The following TAFA4 variants were observed in gnomAD, a reference collection of about 807,000 sequenced individuals.
TAFA4 encodes chemokine-like protein TAFA-4.
In TAFA4, 20 loss-of-function variants were observed where a neutral mutation model predicts 21.1. That is an observed-to-expected ratio of 0.95 (90% CI 0.67 to 1.38). TAFA4 has a LOEUF of 1.38. TAFA4 is among the 40% of genes most tolerant of loss of function. The pLI, the probability that TAFA4 is intolerant of heterozygous loss-of-function variation, is 0.00. For synonymous variants in TAFA4, 71 were observed against 67.4 expected (o/e 1.05, Z -0.26); for missense variants, 211 against 180.9 (o/e 1.17, Z -0.95).
intron 3 of TAFA4, among the ~76,000 whole-genome samples, chr3:68,808,471 C>A (rs977939609): frequency 1.3e-5 from 2 of 152,142 alleles, no homozygotes; most frequent in Non-Finnish European, 2.9e-5. Flanking sequence ...CCCAACCTAC[C>A]TTAAAAAAAT....
intron 3 of TAFA4, among the ~76,000 whole-genome samples, chr3:68,864,566 A>T (rs895837007): frequency 5.3e-5 from 8 of 152,146 alleles, no homozygotes; most frequent in African/African-American, 1.9e-4. Flanking sequence ...CACCTACCAT[A>T]TGAACCAGCC....
chr3:68,841,025 A>G (rs1704649489), intron 3 of TAFA4, among the ~76,000 whole-genome samples: 1 of 152,192 alleles, frequency 6.6e-6, no homozygotes, highest in Non-Finnish European at 1.5e-5. Flanking sequence ...TCTTTCCTCT[A>G]CAAGGCTAAA....
chr3:68,888,117 ATAC>A (rs1559554483), intron 1 of TAFA4, among the ~76,000 whole-genome samples: 1 of 152,142 alleles, frequency 6.6e-6, no homozygotes, highest in Admixed American at 6.6e-5. Context: ...CCTGCCACAT[ATAC>A]TAGATCATTG....
chr3:68,811,586 CA>C (rs1335226838), intron 3 of TAFA4, among the ~76,000 whole-genome samples: 1 of 151,700 alleles, frequency 6.6e-6, no homozygotes, highest in East Asian at 1.9e-4. Flanking sequence ...GATGGAAGAT[CA>C]AAAGAATGAA....
intron 3 of TAFA4, 21 bp downstream of exon 3, chr3:68,880,709 T>C (rs2089606581): frequency 6.2e-7 from 1 of 1,603,850 alleles, no homozygotes; most frequent in Non-Finnish European, 8.5e-7. Context: ...CAGCAGTGCA[T>C]AATGAGCTTA....
intron 3 of TAFA4, among the ~76,000 whole-genome samples, chr3:68,863,651 T>C (rs1004557416): frequency 6.6e-6 from 1 of 152,168 alleles, no homozygotes; most frequent in African/African-American, 2.4e-5. Context: ...GAAGTGCCAG[T>C]CTTCCAGCTT....
At chr3:68,815,403 C>T (rs147513226) in intron 3 of TAFA4, among the ~76,000 whole-genome samples, 2,207 of 151,992 alleles carry the variant, frequency 0.015, 50 homozygotes, top group African/African-American at 0.05. Flanking sequence ...AAAATTTTTG[C>T]AATCTACTCA....
At chr3:68,813,347 C>A (rs1703884665) in intron 3 of TAFA4, among the ~76,000 whole-genome samples, 1 of 152,088 alleles carries the variant, frequency 6.6e-6, no homozygotes. Context: ...GAGACAGAGA[C>A]ACAGAGAACC....
intron 3 of TAFA4, among the ~76,000 whole-genome samples, chr3:68,792,888 A>C (rs1703388777): frequency 6.6e-6 from 1 of 152,204 alleles, no homozygotes; most frequent in African/African-American, 2.4e-5. Flanking sequence ...TCAAGCACTA[A>C]AATGAGTTTG....
chr3:68,894,693 T>C lies in TAFA4; in HGVS notation c.-122-9383A>G, dbSNP rs1201923545. 2.6e-5 allele frequency among the ~76,000 whole-genome samples: 4 copies of C among 152,154 alleles called. No homozygotes were observed. In the South Asian group the frequency reaches 8.3e-4, roughly 32 times the overall value. ...CCATTCAATATTTGGCAGTGTGTTT[T>C]AGCATAATGAAAAAGAATACTTTAA... On this transcript the variant is annotated intron_variant, in intron 1 of 5. Coordinates refer to ENST00000295569, the MANE Select transcript of TAFA4 (RefSeq NM_182522.5).
At chr3:68,872,328 T>C (rs1420929331) in intron 3 of TAFA4, among the ~76,000 whole-genome samples, 1 of 152,082 alleles carries the variant, frequency 6.6e-6, no homozygotes, top group Non-Finnish European at 1.5e-5. Context: ...CATGCTCTCA[T>C]TCATATGTGA....
At chr3:68,891,794 G>C (rs939673710) in intron 1 of TAFA4, among the ~76,000 whole-genome samples, 1 of 152,138 alleles carries the variant, frequency 6.6e-6, no homozygotes, top group African/African-American at 2.4e-5. Flanking sequence ...TAGAAATCTC[G>C]AAGCAGAACT....
In TAFA4 at chr3:68,863,623, T is replaced by C. The variant is rs536280938; in HGVS notation, c.130+17107A>G. The stretch of plus-strand genomic sequence containing the variant: ...TTTGTTGTAGTAATTTTTCATAGTC[T>C]ACACAACTATTGTGGAAGAAGTGCC... On this transcript the variant is annotated intron_variant, in intron 3 of 5. Coordinates refer to ENST00000295569, the MANE Select transcript of TAFA4 (RefSeq NM_182522.5). Among the ~76,000 whole-genome samples, 343 of 152,302 alleles carry C rather than the reference T, an allele frequency of 2.3e-3. 1 individual carries two copies. Among genetic ancestry groups the C allele is most frequent in the African/African-American group, 7.8e-3 (324 of 41,586 alleles).
At chr3:68,749,543 T>C (rs1252384366) in intron 4 of TAFA4, among the ~76,000 whole-genome samples, 1 of 152,236 alleles carries the variant, frequency 6.6e-6, no homozygotes, top group African/African-American at 2.4e-5. Context: ...AAAGCCCTAA[T>C]GGAAACATAT....
chr3:68,811,450 T>G (rs1487195294), intron 3 of TAFA4, among the ~76,000 whole-genome samples: 1 of 152,124 alleles, frequency 6.6e-6, no homozygotes, highest in Non-Finnish European at 1.5e-5. Flanking sequence ...AATGGATAAC[T>G]AGAATAACCA....
intron 3 of TAFA4, among the ~76,000 whole-genome samples, chr3:68,774,824 G>A (rs565865434): frequency 6.6e-6 from 1 of 152,108 alleles, no homozygotes; most frequent in East Asian, 1.9e-4. Context: ...CATAGGGGAA[G>A]AAAACTATAA....
chr3:68,795,348 C>T (rs968757398), intron 3 of TAFA4, among the ~76,000 whole-genome samples: 1 of 151,844 alleles, frequency 6.6e-6, no homozygotes, highest in Non-Finnish European at 1.5e-5. Context: ...ATAAAACACC[C>T]TTCCCCCATT....
At position 68,828,284 on chromosome 3, in the gene TAFA4, G is replaced by A. The variant is rs187898772; in HGVS notation, c.130+52446C>T. On this transcript the variant is annotated intron_variant, in intron 3 of 5. Coordinates refer to ENST00000295569, the MANE Select transcript of TAFA4 (RefSeq NM_182522.5). ...ATGCTGTTTCGGTTACTGTAGCCTT[G>A]TAGTATAGTTTGAAGTCAGGTAGCA... 3.4e-3 allele frequency among the ~76,000 whole-genome samples: 525 copies of A among 152,258 alleles called. 2 individuals carry two copies. The highest frequency in any genetic ancestry group is 6.5e-3 in the Admixed American group (99 of 15,280).
In TAFA4 at chr3:68,795,775, G is replaced by A. The variant is rs550661430; in HGVS notation, c.131-42757C>T. On this transcript the variant is annotated intron_variant, in intron 3 of 5. Transcript: ENST00000295569. ...ATGGTGTTGGTGCTTGCGGATGTTCGTTGGTGTCTGAGCATTGAAGGGTTA... is the reference window on the plus strand; with the variant it reads ...ATGGTGTTGGTGCTTGCGGATGTTCATTGGTGTCTGAGCATTGAAGGGTTA... Among the ~76,000 whole-genome samples the A allele has an allele frequency of 1.4e-4, 21 of 152,274 alleles. No homozygotes were observed. The East Asian group carries it at 2.3e-3, about 17-fold the overall frequency.
Sources: allele counts gnomAD v4.1 joint callset (sites outside exome capture counted in the v4.1 genomes callset), GRCh38; gene constraint gnomAD v4.1.1; transcripts MANE v1.5; gene names NCBI Gene and HGNC (gene_info 2026-07-23, HGNC 2026-07-21).